The following ARHGAP32 variants were observed in gnomAD, a reference collection of about 807,000 sequenced individuals.
The protein encoded by ARHGAP32 is rho GTPase-activating protein 32.
Under a neutral mutation model 186.5 loss-of-function variants are expected in ARHGAP32, and 51 were observed. The ratio of observed to expected loss-of-function variants is 0.27; its 90% CI spans 0.22 to 0.35. The LOEUF (loss-of-function observed/expected upper bound fraction) is 0.35. Among genes scored for constraint, ARHGAP32 ranks in the 10% least tolerant of loss-of-function variants. ARHGAP32 has a pLI of 1.00. For synonymous variants in ARHGAP32, 950 were observed against 964.3 expected (o/e 0.99, Z 0.27); for missense variants, 2,186 against 2,623.5 (o/e 0.83, Z 3.64).
rs577497369 is a variant in ARHGAP32 at position 128,965,087 on chromosome 11, G to A, written c.*3820C>T. 6.6e-6 allele frequency: 1 copy of A among 152,112 alleles called. No individual in the cohort carries two copies. Among genetic ancestry groups the A allele is most frequent in the African/African-American group, 2.4e-5 (1 of 41,488 alleles). 9.4% of individuals were successfully genotyped at this position (152,112 alleles called of 1,614,324 possible). A position where few individuals can be genotyped will look rare whatever the true frequency, so the allele number is the denominator to read the frequency against. ...TGTTTTAACCTGAAATAATTCTGTTGATATTTGAATCACTTTCAGTGGGAC... is the reference window on the plus strand; with the variant it reads ...TGTTTTAACCTGAAATAATTCTGTTAATATTTGAATCACTTTCAGTGGGAC... On this transcript the variant is annotated 3_prime_UTR_variant, in exon 23 of 23. Transcript: ENST00000682385.
intron 1 of ARHGAP32, among the ~76,000 whole-genome samples, chr11:129,248,907 A>G (rs1945140885): frequency 6.6e-6 from 1 of 152,196 alleles, no homozygotes; most frequent in African/African-American, 2.4e-5. Flanking sequence ...CATAGTATAT[A>G]GTGAATAAAG....
At chr11:129,277,924 T>C (rs1313757211) in intron 1 of ARHGAP32, among the ~76,000 whole-genome samples, 2 of 152,228 alleles carry the variant, frequency 1.3e-5, no homozygotes, top group African/African-American at 2.4e-5. Context: ...TCAGTTAGAC[T>C]TCAATGTATC....
chr11:129,182,077 T>C (rs1347518912), intron 1 of ARHGAP32, among the ~76,000 whole-genome samples: 1 of 152,146 alleles, frequency 6.6e-6, no homozygotes, highest in Admixed American at 6.6e-5. Context: ...CTGGAGACTT[T>C]CCATATCAAT....
chr11:129,124,945 T>C (rs770821672), intron 2 of ARHGAP32, 51 bp from the exon 3 acceptor site: 2 of 1,406,456 alleles, frequency 1.4e-6, no homozygotes, highest in Non-Finnish European at 2.0e-6. Context: ...GTATTACACT[T>C]TTTTAAAAAG....
chr11:129,144,769 T>C (rs937592488), intron 2 of ARHGAP32, among the ~76,000 whole-genome samples: 11 of 152,172 alleles, frequency 7.2e-5, no homozygotes, highest in Admixed American at 7.2e-4. Context: ...AAAAACATGA[T>C]TTCTGAAAGT....
rs1276924785 is a variant in ARHGAP32, at chr11:128,992,454, C to T, written c.1196-4329G>A. 2.0e-5 allele frequency among the ~76,000 whole-genome samples: 3 copies of T among 152,074 alleles called. No homozygotes were observed. In the East Asian group the frequency reaches 5.8e-4, roughly 29 times the overall value. On this transcript the variant is annotated intron_variant, in intron 12 of 22. Coordinates refer to ENST00000682385, the MANE Select transcript of ARHGAP32 (RefSeq NM_001378024.1). ...CCACCACCACCACCACCACCAACAA[C>T]AACACAACATTTTAAAGCTATAGAT... is the stretch of plus-strand genomic sequence containing the variant.
At chr11:129,145,500 C>T (rs1481810085) in intron 2 of ARHGAP32, among the ~76,000 whole-genome samples, 1 of 151,480 alleles carries the variant, frequency 6.6e-6, no homozygotes, top group Non-Finnish European at 1.5e-5. Flanking sequence ...ATTGTCCCTC[C>T]ACCTGCATGT....
rs200876570 is a variant in ARHGAP32, at chr11:128,973,412, G to C, written c.3094C>G (p.Pro1032Ala). The C allele has an allele frequency of 1.3e-5, 21 of 1,613,610 alleles. No individual in the cohort carries two copies. The highest frequency in any genetic ancestry group is 1.6e-5 in the Non-Finnish European group (19 of 1,179,784). The change falls in exon 22 of 23, where the codon CCT (proline) becomes GCT (alanine). Residue 1032 changes from proline to alanine, a missense_variant. Transcript: ENST00000682385. ...TQTGAVTHDP[P>A]QDSVPVSSVS... is the part of the protein sequence containing the mutation. ...GAACTGACAGGAACGGAATCCTGAG[G>C]GGGGTCATGGGTAACTGCTCCTAGT...
intron 2 of ARHGAP32, among the ~76,000 whole-genome samples, chr11:129,153,941 T>C (rs760822757): frequency 2.7e-4 from 40 of 150,782 alleles, no homozygotes; most frequent in Admixed American, 9.2e-4. Context: ...CCAGAGAAAA[T>C]AGACAACTAA....
At chr11:129,086,022 A>G (rs1467311555) in intron 6 of ARHGAP32, among the ~76,000 whole-genome samples, 2 of 151,398 alleles carry the variant, frequency 1.3e-5, no homozygotes, top group Non-Finnish European at 2.9e-5. Context: ...ACAAACAAAA[A>G]AAAAAAACAA....
chr11:129,164,784 C>A (rs1218829963), intron 1 of ARHGAP32, among the ~76,000 whole-genome samples: 5 of 152,138 alleles, frequency 3.3e-5, no homozygotes, highest in Non-Finnish European at 7.4e-5. Flanking sequence ...CTGTGCTAAG[C>A]ATTAGTATCA....
chr11:129,109,299 T>C (rs181872809), intron 5 of ARHGAP32, among the ~76,000 whole-genome samples: 1 of 152,100 alleles, frequency 6.6e-6, no homozygotes, highest in African/African-American at 2.4e-5. Flanking sequence ...TAACCATTCG[T>C]CTGTGGAGAG....
At chr11:129,147,409 G>A (rs1179402243) in intron 2 of ARHGAP32, among the ~76,000 whole-genome samples, 3 of 152,068 alleles carry the variant, frequency 2.0e-5, no homozygotes, top group African/African-American at 7.2e-5. Flanking sequence ...CAGATTTACT[G>A]AAGATTTAAA....
rs1056379211 is a variant in ARHGAP32 at position 129,123,638 on chromosome 11, C to T, written c.360-108G>A. Reference sequence around the variant, plus strand: ...AGAGCTCATGCAAGCAAAAATATTTCGTAAGCACATGCGCATGAGCCACAC... The same window carrying T: ...AGAGCTCATGCAAGCAAAAATATTTTGTAAGCACATGCGCATGAGCCACAC... On this transcript the variant is annotated intron_variant, in intron 4 of 22. Transcript: ENST00000682385. The surrounding 1 kb of genome is among the most constrained non-coding windows in gnomAD (Gnocchi z 4.6). 1.6e-5 allele frequency: 16 copies of T among 993,410 alleles called. No homozygotes were observed. The highest frequency in any genetic ancestry group is 2.9e-5 in the South Asian group (2 of 68,340). The allele number at this position is 993,410 out of a possible 1,614,324, so 61.5% of individuals were successfully genotyped here. A position where few individuals can be genotyped will look rare whatever the true frequency, so the allele number is the denominator to read the frequency against.
chr11:129,028,149 G>A (rs1245508751), intron 11 of ARHGAP32, among the ~76,000 whole-genome samples: 1 of 152,192 alleles, frequency 6.6e-6, no homozygotes, highest in African/African-American at 2.4e-5. Context: ...TACAACATCT[G>A]CCAACAAACA....
intron 2 of ARHGAP32, among the ~76,000 whole-genome samples, chr11:129,154,142 C>T (rs1943350635): frequency 6.6e-6 from 1 of 152,106 alleles, no homozygotes; most frequent in Admixed American, 6.6e-5. Context: ...CTCCACATTA[C>T]TAATTATCAG....
At chr11:129,043,086 GC>G (rs201703847) in intron 10 of ARHGAP32, among the ~76,000 whole-genome samples, 1 of 152,192 alleles carries the variant, frequency 6.6e-6, no homozygotes, top group East Asian at 1.9e-4. Context: ...AGATCCTGAT[GC>G]CTTGAGGTAC....
At chr11:129,104,782 A>G (rs1942004193) in intron 5 of ARHGAP32, among the ~76,000 whole-genome samples, 1 of 152,154 alleles carries the variant, frequency 6.6e-6, no homozygotes, top group Non-Finnish European at 1.5e-5. Flanking sequence ...AAACAAGCAC[A>G]ATCTCTCAGA....
chr11:129,145,229 C>T (rs1299401709), intron 2 of ARHGAP32, among the ~76,000 whole-genome samples: 2 of 151,964 alleles, frequency 1.3e-5, no homozygotes, highest in Non-Finnish European at 2.9e-5. Flanking sequence ...CAGTCTTCAG[C>T]GCTGCTAGAA....
Sources: gnomAD v4.1 joint callset for allele counts (sites outside exome capture counted in the v4.1 genomes callset) on GRCh38, gnomAD v4.1.1 for gene constraint, Gnocchi (gnomAD v3.1) non-coding constraint, MANE v1.5 for transcripts, NCBI Gene and HGNC (gene_info 2026-07-23, HGNC 2026-07-21) for gene names.